Variants in IPO5 observed in about 807,000 individuals in gnomAD.
IPO5 encodes importin 5.
Under a neutral mutation model 143.3 loss-of-function variants are expected in IPO5, and 18 were observed. That is an observed-to-expected ratio of 0.13 (90% confidence interval 0.09 to 0.19). The LOEUF (loss-of-function observed/expected upper bound fraction) is 0.19, where lower values mean the gene tolerates loss of function less well. IPO5 is among the 10% of genes least tolerant of loss of function. IPO5 has a pLI of 1.00. For missense variants in IPO5, 1,013 were observed against 1,336.9 expected (o/e 0.76, Z 3.78); for synonymous variants, 477 against 465.7 (o/e 1.02, Z -0.31).
intron 3 of IPO5, chr13:97,976,484 C>A (rs1486826930): frequency 2.6e-5 from 4 of 152,750 alleles, no homozygotes; most frequent in Non-Finnish European, 5.8e-5. Flanking sequence ...GAGGCGCCGG[C>A]GCCGGCGGCC....
intron 2 of IPO5, among the ~76,000 whole-genome samples, chr13:97,968,564 T>C (rs1594024775): frequency 6.6e-6 from 1 of 152,400 alleles, no homozygotes; most frequent in Middle Eastern, 3.4e-3. Context: ...GTTAGGCACA[T>C]GTGTTTAAAA....
chr13:97,982,398 A>G (rs1886925747), intron 4 of IPO5, 105 bp from the exon 5 acceptor site: 1 of 726,532 alleles, frequency 1.4e-6, no homozygotes, highest in South Asian at 1.7e-5. Flanking sequence ...CCAGACCTAG[A>G]TTAAATAATT....
intron 2 of IPO5, among the ~76,000 whole-genome samples, chr13:97,965,711 G>A (rs191005320): frequency 4.6e-4 from 69 of 151,610 alleles, no homozygotes; most frequent in Admixed American, 3.8e-3. Flanking sequence ...TATTGATCTT[G>A]TCTCCTGCAA....
At chr13:97,990,575 T>A in intron 9 of IPO5, 38 bp downstream of exon 9, 1 of 1,220,970 alleles carries the variant, frequency 8.2e-7, no homozygotes, top group Non-Finnish European at 1.2e-6. Context: ...AATTATATCT[T>A]ATTTGGTTCT....
intron 2 of IPO5, among the ~76,000 whole-genome samples, chr13:97,967,949 C>A (rs765566094): frequency 6.6e-6 from 1 of 151,990 alleles, no homozygotes; most frequent in African/African-American, 2.4e-5. Context: ...TTTCTAATTT[C>A]TCTTGTGATT....
chr13:98,006,470 G>T, intron 17 of IPO5, 122 bp downstream of exon 17: 1 of 593,056 alleles, frequency 1.7e-6, no homozygotes, highest in South Asian at 2.2e-5. Context: ...TGCCTCCCAG[G>T]TTCATGCCAT....
intron 4 of IPO5, chr13:97,977,006 C>G (rs1886411129): frequency 4.8e-6 from 1 of 207,702 alleles, no homozygotes; most frequent in African/African-American, 2.4e-5. Flanking sequence ...CAGTTACCTC[C>G]CCGCCGCCGC....
chr13:97,994,008 T>C (rs532789202), intron 11 of IPO5, among the ~76,000 whole-genome samples: 98 of 152,314 alleles, frequency 6.4e-4, no homozygotes, highest in Non-Finnish European at 7.6e-4. Flanking sequence ...AAATAAGTTA[T>C]AAGCATTAGA....
chr13:97,969,175 A>ATATATATATATATTT (rs1234384302), intron 2 of IPO5, among the ~76,000 whole-genome samples: 4 of 43,906 alleles, frequency 9.1e-5, no homozygotes, highest in Non-Finnish European at 1.2e-4. Context: ...ATATATATAT[A>ATATATATATATATTT]TTTTTTTTTT....
At chr13:98,002,359 A>G (rs1888875539) in intron 13 of IPO5, 108 bp from the exon 14 acceptor site, 2 of 1,107,514 alleles carry the variant, frequency 1.8e-6, no homozygotes, top group Non-Finnish European at 2.6e-6. Context: ...CCTTTTCAAA[A>G]AAGTTTTGTT....
chr13:97,963,571 T>C (rs1026835041), intron 2 of IPO5, among the ~76,000 whole-genome samples: 1 of 152,046 alleles, frequency 6.6e-6, no homozygotes, highest in Non-Finnish European at 1.5e-5. Flanking sequence ...GGTTTCACCA[T>C]GTTGGCCAGG....
intron 18 of IPO5, among the ~76,000 whole-genome samples, chr13:98,009,089 G>A (rs1594116441): frequency 1.3e-5 from 2 of 152,290 alleles, no homozygotes; most frequent in South Asian, 2.1e-4. Flanking sequence ...TGGTAAGGAC[G>A]AGGCGTGTTG....
Position 97,974,749 on chromosome 13 carries a change from G to A in IPO5, c.-4-1944G>A, listed in dbSNP as rs1028231527. On this transcript the variant is annotated intron_variant, in intron 3 of 28. Coordinates refer to ENST00000651721, the MANE Select transcript of IPO5 (RefSeq NM_002271.6). ...CCCAAAGTAATGTGCATAGTGGTTT[G>A]TCTAGAAGAAATAACGTGGCATAAG... is the stretch of plus-strand genomic sequence containing the variant. Among the ~76,000 whole-genome samples the A allele has an allele frequency of 8.6e-5, 13 of 151,040 alleles. No individual in the cohort carries two copies. In the East Asian group the frequency reaches 1.2e-3, roughly 13 times the overall value.
chr13:98,020,017 T>C (rs1217745857), intron 27 of IPO5: 2 of 424,822 alleles, frequency 4.7e-6, no homozygotes, highest in Non-Finnish European at 8.3e-6. Flanking sequence ...AATTTTGAGT[T>C]ATTCTTTATG....
At chr13:97,959,233 G>C (rs1884683514) in intron 2 of IPO5, among the ~76,000 whole-genome samples, 1 of 151,836 alleles carries the variant, frequency 6.6e-6, no homozygotes, top group Admixed American at 6.6e-5. Flanking sequence ...CCTAGTAGCA[G>C]AACATGCTGC....
chr13:97,996,813 C>T (rs183634899), intron 11 of IPO5, among the ~76,000 whole-genome samples: 2 of 151,990 alleles, frequency 1.3e-5, no homozygotes, highest in Admixed American at 6.5e-5. Context: ...AGGATGGTCT[C>T]GATCTTCTGA....
intron 3 of IPO5, among the ~76,000 whole-genome samples, chr13:97,971,621 C>T (rs1195085830): frequency 6.6e-6 from 1 of 152,100 alleles, no homozygotes; most frequent in Non-Finnish European, 1.5e-5. Context: ...ATGTGATGCA[C>T]ATGACTATGC....
chr13:97,969,175 A>ATTTTTTTTTTTT (rs60300496), intron 2 of IPO5, among the ~76,000 whole-genome samples: 8 of 43,908 alleles, frequency 1.8e-4, no homozygotes, highest in East Asian at 8.2e-4. Context: ...ATATATATAT[A>ATTTTTTTTTTTT]TTTTTTTTTT....
chr13:97,990,069 C>A, intron 7 of IPO5, 57 bp from the exon 8 acceptor site: 1 of 1,046,886 alleles, frequency 9.6e-7, no homozygotes, highest in Non-Finnish European at 1.5e-6. Context: ...CTAGCTCATA[C>A]TTTACCAAGA....
Sources: allele counts gnomAD v4.1 joint callset (sites outside exome capture counted in the v4.1 genomes callset), GRCh38; gene constraint gnomAD v4.1.1; transcripts MANE v1.5; gene names NCBI Gene and HGNC (gene_info 2026-07-23, HGNC 2026-07-21).